Variants in TTN observed in about 807,000 individuals in gnomAD.
TTN encodes the protein titin.
Under a neutral mutation model 3,223.0 loss-of-function variants are expected in TTN, and 1,525 were observed. The ratio of observed to expected loss-of-function variants is 0.47; its 90% CI spans 0.45 to 0.49. The LOEUF (loss-of-function observed/expected upper bound fraction) is 0.49. Ranked by LOEUF, TTN falls within the 20% of genes least tolerant of loss-of-function variation. The probability of loss-of-function intolerance (pLI) is 0.00; values close to 1 mark genes in which losing one functional copy is unlikely to be tolerated. For synonymous variants in TTN, 14,094 were observed against 15,161.0 expected (o/e 0.93, Z 5.17); for missense variants, 40,786 against 43,424.0 (o/e 0.94, Z 5.40).
chr2:178,676,015 T>C lies in TTN; in HGVS notation c.34379-20A>G. On this transcript the variant is annotated intron_variant, in intron 147 of 362. Coordinates refer to ENST00000589042, the MANE Select transcript of TTN (RefSeq NM_001267550.2). Reference sequence around the variant, plus strand: ...CAGGCACTTTAAAGACATCATTTCATGATAAGGATTTATTTTGAAGGACAA... The same window carrying C: ...CAGGCACTTTAAAGACATCATTTCACGATAAGGATTTATTTTGAAGGACAA... 3 of 1,576,404 alleles carry C rather than the reference T, an allele frequency of 1.9e-6. No homozygotes were observed. The highest frequency in any genetic ancestry group is 2.6e-6 in the Non-Finnish European group (3 of 1,159,226).
chr2:178,797,167 TCTC>T (rs1379649601), intron 6 of TTN, among the ~76,000 whole-genome samples: 1 of 152,166 alleles, frequency 6.6e-6, no homozygotes. Flanking sequence ...TAGGTTGTTA[TCTC>T]CTCAAGAAAT....
chr2:178,652,926 C>T lies in TTN; in HGVS notation c.38881G>A (p.Glu12961Lys). Reference sequence around the variant, plus strand: ...TCAGGAACAACCTCTATGGGAGCCTCTGGCACTTAAAAGATATTAGTGAAA... The same window carrying T: ...TCAGGAACAACCTCTATGGGAGCCTTTGGCACTTAAAAGATATTAGTGAAA... Reference protein sequence around the residue: ...KPEVPPVKVPEAPIEVVPEKK... With the variant: ...KPEVPPVKVPKAPIEVVPEKK... Residue 12961 changes from glutamate to lysine, a missense_variant, in exon 200 of 363, where the codon GAG becomes AAG. By Grantham distance (56) the Glu-to-Lys change is moderately conservative. Transcript: ENST00000589042. 3 of 1,605,640 alleles carry T rather than the reference C, an allele frequency of 1.9e-6. No homozygotes were observed. Among genetic ancestry groups the T allele is most frequent in the Non-Finnish European group, 1.7e-6 (2 of 1,177,462 alleles).
Position 178,573,039 on chromosome 2 carries a change from G to A in TTN, c.73093C>T (p.Pro24365Ser). The change falls in exon 326 of 363, where the codon CCA (proline) becomes TCA (serine). Residue 24365 changes from proline to serine, a missense_variant. Physicochemically the swap from Pro to Ser is moderately conservative, Grantham distance 74. Coordinates refer to ENST00000589042, the MANE Select transcript of TTN (RefSeq NM_001267550.2). ...ITGYMVEIALPEEDEWQIVTP... is the reference protein window; with the variant it reads ...ITGYMVEIALSEEDEWQIVTP... ...ACAATCTGCCATTCATCTTCCTCTG[G>A]CAGGGCAATCTCAACCATATACCCA... The A allele has an allele frequency of 1.2e-6, 2 of 1,613,096 alleles. No homozygotes were observed. Among genetic ancestry groups the A allele is most frequent in the South Asian group, 2.2e-5 (2 of 91,028 alleles).
rs773412750 is a variant in TTN at position 178,545,443 on chromosome 2, A to G, written c.95667T>C (p.Ala31889=). The G allele has an allele frequency of 7.5e-6, 12 of 1,609,540 alleles. No homozygotes were observed. The highest frequency in any genetic ancestry group is 1.3e-5 in the African/African-American group (1 of 74,834). ...AAGCTTCGCTGGGCTCACTGTTACC[A>G]GCTGCATTCACTGCGGTCACCCGGA... ...YQFRVTAVNA[A]GNSEPSEASN... The change falls in exon 344 of 363, where the codon GCT becomes GCC. Residue 31889 remains alanine, a synonymous_variant. Transcript: ENST00000589042.
intron 121 of TTN, among the ~76,000 whole-genome samples, chr2:178,690,911 C>T (rs1450224327): frequency 1.3e-5 from 2 of 150,932 alleles, no homozygotes. Flanking sequence ...AGTGATTACA[C>T]AAACAGTCAA....
At position 178,548,581 on chromosome 2, in the gene TTN, G is replaced by T; in HGVS notation, c.93045C>A (p.Asp31015Glu). 6.2e-7 allele frequency: 1 copy of T among 1,613,870 alleles called. No individual in the cohort carries two copies. The highest frequency in any genetic ancestry group is 8.5e-7 in the Non-Finnish European group (1 of 1,179,808). ...KSITFTVKVL[D>E]TPGPPGPITF... ...TAATTGGGCCAGGTGGGCCTGGAGTGTCTAGCACTTTCACGGTGAATGTGA... is the reference window on the plus strand; with the variant it reads ...TAATTGGGCCAGGTGGGCCTGGAGTTTCTAGCACTTTCACGGTGAATGTGA... The change falls in exon 339 of 363, where the codon GAC becomes GAA. Residue 31015 changes from aspartate (D) to glutamate (E), a missense_variant. Physicochemically the swap from Asp to Glu is conservative, Grantham distance 45. Transcript: ENST00000589042. The surrounding 1 kb of genome is among the most constrained non-coding windows in gnomAD (Gnocchi z 4.3).
rs1023873134 is a variant in TTN at position 178,712,521 on chromosome 2, G to C, written c.27401C>G (p.Thr9134Arg). ...EKGKPLILEG[T>R]FTGTPPISVT... ...CGAAATGGGAGGAGTTCCAGTGAAT[G>C]TACCCTCTAGGATCAGGGGTTTTCC... is the stretch of plus-strand genomic sequence containing the variant. The change falls in exon 95 of 363, where the codon ACA (threonine) becomes AGA (arginine). Residue 9134 changes from threonine (T) to arginine (R), a missense_variant. Physicochemically the swap from Thr to Arg is moderately conservative, Grantham distance 71. Coordinates refer to ENST00000589042, the MANE Select transcript of TTN (RefSeq NM_001267550.2). The C allele has an allele frequency of 6.2e-7, 1 of 1,613,656 alleles. No homozygotes were observed. The highest frequency in any genetic ancestry group is 1.7e-5 in the Admixed American group (1 of 59,978).
Position 178,722,871 on chromosome 2 carries a change from T to C in TTN, c.22028A>G (p.Gln7343Arg), listed in dbSNP as rs1215230781. Residue 7343 changes from glutamine to arginine, a missense_variant, in exon 76 of 363, where the codon CAA (glutamine) becomes CGA (arginine). Transcript: ENST00000589042. ...TTCTGGTGTCCCAGCAACTTGGCATTGTAAAGAAACCGAATCTCCAACTGC... is the reference window on the plus strand; with the variant it reads ...TTCTGGTGTCCCAGCAACTTGGCATCGTAAAGAAACCGAATCTCCAACTGC... ...EAAVGDSVSL[Q>R]CQVAGTPEIT... 1 of 1,613,078 alleles carries C rather than the reference T, an allele frequency of 6.2e-7. No individual in the cohort carries two copies. Among genetic ancestry groups the C allele is most frequent in the Non-Finnish European group, 8.5e-7 (1 of 1,179,460 alleles).
In TTN at chr2:178,542,395, A is replaced by G; in HGVS notation, c.97361T>C (p.Val32454Ala). ...GGTAAACTTAAACGTGGACCTAGTC[A>G]CTGATTCAGAAACGGGCAGCCATCC... ...RPGWLPVSES[V>A]TRSTFKFTRL... The change falls in exon 349 of 363, where the codon GTG (valine) becomes GCG (alanine). Residue 32454 changes from valine (V) to alanine (A), a missense_variant. By Grantham distance (64) the Val-to-Ala change is moderately conservative. Coordinates refer to ENST00000589042, the MANE Select transcript of TTN (RefSeq NM_001267550.2). 1 of 1,613,672 alleles carries G rather than the reference A, an allele frequency of 6.2e-7. No homozygotes were observed. Among genetic ancestry groups the G allele is most frequent in the Non-Finnish European group, 8.5e-7 (1 of 1,179,708 alleles).
chr2:178,728,458 A>G (rs1288411651), intron 66 of TTN, 42 bp downstream of exon 66: 3 of 1,587,062 alleles, frequency 1.9e-6, no homozygotes, highest in South Asian at 1.2e-5. Context: ...TACAAAGGAC[A>G]TACTATAAAT....
rs1703714627 is a variant in TTN at position 178,561,690 on chromosome 2, C to T, written c.84442G>A (p.Ala28148Thr). The change falls in exon 326 of 363, where the codon GCA (alanine) becomes ACA (threonine). Residue 28148 changes from alanine to threonine, a missense_variant. Physicochemically the swap from Ala to Thr is moderately conservative, Grantham distance 58. Coordinates refer to ENST00000589042, the MANE Select transcript of TTN (RefSeq NM_001267550.2). ...CCTGGGGGACTGAATGGATACTCTG[C>T]AACAACAGCTGAAGATTCACTGTAG... Reference protein sequence around the residue: ...SSYSESSAVVAEYPFSPPGPP... With the variant: ...SSYSESSAVVTEYPFSPPGPP... 6.2e-7 allele frequency: 1 copy of T among 1,607,320 alleles called. No homozygotes were observed. The highest frequency in any genetic ancestry group is 8.5e-7 in the Non-Finnish European group (1 of 1,175,774).
At chr2:178,689,264 T>C (rs758747222) in intron 124 of TTN, 26 bp downstream of exon 124, 6 of 1,608,884 alleles carry the variant, frequency 3.7e-6, no homozygotes, top group Non-Finnish European at 4.2e-6. Context: ...ATAAAGACAG[T>C]TCTTGGGAAG....
In TTN at chr2:178,561,589, A is replaced by G. The variant is rs1261476559; in HGVS notation, c.84543T>C (p.Asp28181=). 1 of 1,613,204 alleles carries G rather than the reference A, an allele frequency of 6.2e-7. No homozygotes were observed. The highest frequency in any genetic ancestry group is 1.3e-5 in the African/African-American group (1 of 74,896). ...MLVTWQVPVN[D]GGSRVIGYHL... ...GATAGCCAATTACTCGACTTCCTCC[A>G]TCATTAACTGGCACTTGCCAGGTTA... Residue 28181 remains aspartate, a synonymous_variant, in exon 326 of 363, where the codon GAT becomes GAC. Transcript: ENST00000589042.
At position 178,568,774 on chromosome 2, in the gene TTN, T is replaced by C. The variant is rs1162115362; in HGVS notation, c.77358A>G (p.Ala25786=). 1 of 1,612,944 alleles carries C rather than the reference T, an allele frequency of 6.2e-7. No individual in the cohort carries two copies. The highest frequency in any genetic ancestry group is 2.2e-5 in the East Asian group (1 of 44,738). ...CCAGATCTTTGGCAACTATTGGAAC[T>C]GCAAGGGACCGAGGATCACTTCTCC... The part of the protein sequence containing the change: ...EKGRSDPRSL[A]VPIVAKDLVI... Residue 25786 remains alanine, a synonymous_variant, in exon 326 of 363, where the codon GCA becomes GCG. Coordinates refer to ENST00000589042, the MANE Select transcript of TTN (RefSeq NM_001267550.2).
rs769236258 is a variant in TTN at position 178,664,076 on chromosome 2, A to C, written c.36303T>G (p.Ile12101Met). The C allele has an allele frequency of 3.1e-6, 5 of 1,612,760 alleles. No homozygotes were observed. In the Admixed American group the frequency reaches 8.4e-5, roughly 27 times the overall value. ...CCACCGACACTTTCTTTTCAGGGAT[A>C]ATCTCTTTGGGAGCTTCGTGCACTT... Reference protein sequence around the residue: ...PVKVHEAPKEIIPEKKVSVVP... With the variant: ...PVKVHEAPKEMIPEKKVSVVP... The change falls in exon 169 of 363, where the codon ATT becomes ATG. Residue 12101 changes from isoleucine (I) to methionine (M), a missense_variant. Transcript: ENST00000589042.
Position 178,729,371 on chromosome 2 carries a change from T to C in TTN, c.18785A>G (p.Asp6262Gly), listed in dbSNP as rs757214692. The change falls in exon 64 of 363, where the codon GAC becomes GGC. Residue 6262 changes from aspartate to glycine, a missense_variant. Physicochemically the swap from Asp to Gly is moderately conservative, Grantham distance 94. Coordinates refer to ENST00000589042, the MANE Select transcript of TTN (RefSeq NM_001267550.2). ...CTGGTATTCCCCAGTGTCTGAAGGG[T>C]CACACTTGGTTATATGGAGGTTAAA... ...SVFNLHITKC[D>G]PSDTGEYQCI... is the part of the protein sequence containing the mutation. The C allele has an allele frequency of 1.2e-5, 20 of 1,613,442 alleles. No individual in the cohort carries two copies. In the East Asian group the frequency reaches 4.5e-4, roughly 36 times the overall value.
Position 178,622,663 on chromosome 2 carries a change from C to A in TTN, c.44913+7G>T. The A allele has an allele frequency of 6.3e-7, 1 of 1,599,136 alleles. No homozygotes were observed. Among genetic ancestry groups the A allele is most frequent in the Non-Finnish European group, 8.5e-7 (1 of 1,171,736 alleles). ...CAGTACAAGATGACAGGTATACAGTCACAGACCTTAGCATTTTCTCGGGAA... is the reference window on the plus strand; with the variant it reads ...CAGTACAAGATGACAGGTATACAGTAACAGACCTTAGCATTTTCTCGGGAA... On this transcript the variant is annotated splice_region_variant and intron_variant, in intron 243 of 362. Transcript: ENST00000589042.
intron 218 of TTN, among the ~76,000 whole-genome samples, chr2:178,642,570 G>A (rs1365742455): frequency 6.6e-6 from 1 of 151,976 alleles, no homozygotes; most frequent in Non-Finnish European, 1.5e-5. Flanking sequence ...TGCATGTAGA[G>A]GATGTTGCTC....
chr2:178,562,928 T>A lies in TTN; in HGVS notation c.83204A>T (p.Asn27735Ile). 1 of 1,613,632 alleles carries A rather than the reference T, an allele frequency of 6.2e-7. No homozygotes were observed. The highest frequency in any genetic ancestry group is 8.5e-7 in the Non-Finnish European group (1 of 1,179,738). The change falls in exon 326 of 363, where the codon AAT becomes ATT. Residue 27735 changes from asparagine to isoleucine, a missense_variant. Asn to Ile is a moderately radical substitution (Grantham distance 149, BLOSUM62 -3). Coordinates refer to ENST00000589042, the MANE Select transcript of TTN (RefSeq NM_001267550.2). ...TSSFTMLVID[N>I]VTRFDSGRYN... ...CCGACCACTGTCAAATCTGGTAACA[T>A]TATCAATCACCAACATTGTAAATGA...
Sources: allele counts gnomAD v4.1 joint callset (sites outside exome capture counted in the v4.1 genomes callset), GRCh38; gene constraint gnomAD v4.1.1; non-coding constraint Gnocchi (gnomAD v3.1); transcripts MANE v1.5; gene names NCBI Gene and HGNC (gene_info 2026-07-23, HGNC 2026-07-21).